The following RNF144A variants were observed in gnomAD, a reference collection of about 807,000 sequenced individuals.
The protein encoded by RNF144A is ring finger protein 144A, also known as E3 ubiquitin-protein ligase RNF144A.
Under a neutral mutation model 38.7 loss-of-function variants are expected in RNF144A, and 11 were observed. The ratio of observed to expected loss-of-function variants is 0.28; its 90% CI spans 0.18 to 0.47. The LOEUF is 0.47. Among genes scored for constraint, RNF144A ranks in the 20% least tolerant of loss-of-function variants. The probability of loss-of-function intolerance (pLI) is 0.99; values close to 1 mark genes in which losing one functional copy is unlikely to be tolerated. For synonymous variants in RNF144A, 149 were observed against 143.9 expected, an observed-to-expected ratio of 1.04 and a Z score of -0.25; for missense variants, 316 against 377.2, an observed-to-expected ratio of 0.84 and a Z score of 1.34.
At position 7,003,205 on chromosome 2, in the gene RNF144A, A is replaced by G. The variant is rs113115896; in HGVS notation, c.135+6144A>G. Among the ~76,000 whole-genome samples, 1,108 of 152,344 alleles carry G rather than the reference A, an allele frequency of 7.3e-3. 10 individuals are homozygous for G. The highest frequency in any genetic ancestry group is 0.023 in the African/African-American group (967 of 41,580). On this transcript the variant is annotated intron_variant, in intron 3 of 8. Coordinates refer to ENST00000320892, the MANE Select transcript of RNF144A (RefSeq NM_014746.6). ...AAAAAGTTTACAAAGTAAAAAAGTTACAGGAAGCTAAGGTTAACTTATTGA... is the reference window on the plus strand; with the variant it reads ...AAAAAGTTTACAAAGTAAAAAAGTTGCAGGAAGCTAAGGTTAACTTATTGA...
At chr2:7,021,176 C>T (rs79393869) in intron 6 of RNF144A, among the ~76,000 whole-genome samples, 2,464 of 152,214 alleles carry the variant, frequency 0.016, 70 homozygotes, top group African/African-American at 0.056. Context: ...AGAATGCTGC[C>T]GCACCACGCT....
At chr2:7,051,022 C>T (rs937793601) in intron 6 of RNF144A, among the ~76,000 whole-genome samples, 6 of 152,244 alleles carry the variant, frequency 3.9e-5, no homozygotes, top group African/African-American at 1.4e-4. Flanking sequence ...GGTACCACAC[C>T]ACACAGACCA....
chr2:7,035,901 G>C (rs888909178), intron 8 of RNF144A, among the ~76,000 whole-genome samples: 8 of 152,202 alleles, frequency 5.3e-5, no homozygotes, highest in African/African-American at 1.9e-4. Flanking sequence ...TAAAGTTATT[G>C]TACAGTTTGT....
chr2:6,951,540 T>C (rs930848740), intron 2 of RNF144A, among the ~76,000 whole-genome samples: 2 of 152,224 alleles, frequency 1.3e-5, no homozygotes, highest in African/African-American at 4.8e-5. Flanking sequence ...ATTAACTCTG[T>C]AGGTCAATTT....
chr2:7,073,635 G>C, the RNF144A span, among the ~76,000 whole-genome samples: 1 of 152,180 alleles, frequency 6.6e-6, no homozygotes, highest in Non-Finnish European at 1.5e-5. Context: ...TTAAATAACC[G>C]TTGTTATTTC....
rs146423414 is a variant in RNF144A at position 7,035,000 on chromosome 2, C to T, written c.748-4629C>T. Among the ~76,000 whole-genome samples, 10 of 152,278 alleles carry T rather than the reference C, an allele frequency of 6.6e-5. No individual in the cohort carries two copies. The East Asian group carries it at 1.4e-3, about 21-fold the overall frequency. ...AGAGCAGCAGAATAAAATGCTCAGA[C>T]GGGGCATAACCTGAAGACTTCTGCT... On this transcript the variant is annotated intron_variant, in intron 8 of 8. Coordinates refer to ENST00000320892, the MANE Select transcript of RNF144A (RefSeq NM_014746.6).
At chr2:6,934,243 T>G (rs1218677270) in intron 1 of RNF144A, among the ~76,000 whole-genome samples, 1 of 152,348 alleles carries the variant, frequency 6.6e-6, no homozygotes, top group South Asian at 2.1e-4. Flanking sequence ...TTTTACTTCA[T>G]GTCTTTAATT....
intron 8 of RNF144A, among the ~76,000 whole-genome samples, chr2:7,032,245 C>T (rs979541221): frequency 2.0e-5 from 3 of 150,632 alleles, no homozygotes; most frequent in Admixed American, 1.3e-4. Context: ...CTGGAATCCG[C>T]GCCCCTTGCA....
chr2:6,922,500 G>A (rs191240726), intron 1 of RNF144A, among the ~76,000 whole-genome samples: 1 of 152,124 alleles, frequency 6.6e-6, no homozygotes, highest in African/African-American at 2.4e-5. Flanking sequence ...TGTGGAGCAG[G>A]GCATGTTTAT....
chr2:7,006,637 C>G (rs1167008965), intron 3 of RNF144A, among the ~76,000 whole-genome samples: 1 of 152,164 alleles, frequency 6.6e-6, no homozygotes, highest in Non-Finnish European at 1.5e-5. Flanking sequence ...CCCTCCCTCA[C>G]TGGGACCTCT....
chr2:6,976,894 A>G (rs1331061862), intron 2 of RNF144A, among the ~76,000 whole-genome samples: 1 of 152,076 alleles, frequency 6.6e-6, no homozygotes, highest in African/African-American at 2.4e-5. Flanking sequence ...CTTTTTTTAA[A>G]AAAACTGGTC....
intron 2 of RNF144A, among the ~76,000 whole-genome samples, chr2:6,967,556 A>T (rs1002834968): frequency 2.0e-5 from 3 of 152,124 alleles, no homozygotes; most frequent in Non-Finnish European, 4.4e-5. Flanking sequence ...GGTAGATCTC[A>T]GCTGCTGCTC....
chr2:7,061,345 G>A (rs190428404), intron 6 of RNF144A, among the ~76,000 whole-genome samples: 2 of 152,242 alleles, frequency 1.3e-5, no homozygotes, highest in African/African-American at 4.8e-5. Context: ...TTCCCACCAG[G>A]CTTCAGCTGA....
At chr2:6,994,367 T>C (rs1032432006) in intron 2 of RNF144A, among the ~76,000 whole-genome samples, 1 of 152,112 alleles carries the variant, frequency 6.6e-6, no homozygotes, top group Non-Finnish European at 1.5e-5. Context: ...TATCATGTTG[T>C]CCAGTGAACT....
rs1225513254 is a variant in RNF144A, at chr2:6,997,076, A to G, written c.135+15A>G. 3.1e-6 allele frequency: 5 copies of G among 1,613,512 alleles called. No individual in the cohort carries two copies. Among genetic ancestry groups the G allele is most frequent in the Non-Finnish European group, 4.2e-6 (5 of 1,179,464 alleles). On this transcript the variant is annotated intron_variant, in intron 3 of 8. Transcript: ENST00000320892. ...TCTGTACTCTGGTTGGTCTTTTTGG[A>G]TAAAATATATGTTACAGTGATTTTA...
At chr2:6,925,921 A>G (rs1572193951) in intron 1 of RNF144A, among the ~76,000 whole-genome samples, 2 of 152,314 alleles carry the variant, frequency 1.3e-5, no homozygotes, top group African/African-American at 2.4e-5. Flanking sequence ...CAACACATAT[A>G]TATGTACCAG....
chr2:6,920,123 A>C (rs1572180537), intron 1 of RNF144A, among the ~76,000 whole-genome samples: 1 of 152,184 alleles, frequency 6.6e-6, no homozygotes, highest in Admixed American at 6.5e-5. Context: ...CAGGGTTGGG[A>C]GCTACAAGCT....
chr2:6,969,661 G>C (rs530597920), intron 2 of RNF144A, among the ~76,000 whole-genome samples: 7 of 152,356 alleles, frequency 4.6e-5, no homozygotes, highest in African/African-American at 1.7e-4. Context: ...GTTGAGTGCT[G>C]ACAATGCCAC....
At chr2:7,051,284 C>G (rs1181258950) in intron 6 of RNF144A, among the ~76,000 whole-genome samples, 2 of 152,248 alleles carry the variant, frequency 1.3e-5, no homozygotes, top group East Asian at 3.9e-4. Context: ...CTTGGCAAAC[C>G]TTCAGTGCAG....
Sources: gnomAD v4.1 joint callset for allele counts (sites outside exome capture counted in the v4.1 genomes callset) on GRCh38, gnomAD v4.1.1 for gene constraint, MANE v1.5 for transcripts, NCBI Gene and HGNC (gene_info 2026-07-23, HGNC 2026-07-21) for gene names.